Variants in CDH18 observed in about 807,000 individuals in gnomAD.
The protein encoded by CDH18 is cadherin 18.
CDH18 carries 31 observed loss-of-function variants against 67.9 expected under a neutral mutation model. The ratio of observed to expected loss-of-function variants is 0.46; its 90% CI spans 0.34 to 0.62. The LOEUF (loss-of-function observed/expected upper bound fraction) is 0.62. Among genes scored for constraint, CDH18 ranks in the 20% least tolerant of loss-of-function variants. The pLI is 0.01. For missense variants in CDH18, 890 were observed against 975.5 expected, an observed-to-expected ratio of 0.91 and a Z score of 1.17; for synonymous variants, 362 against 347.2, an observed-to-expected ratio of 1.04 and a Z score of -0.48.
chr5:19,751,958 A>C (rs948990306), intron 3 of CDH18, among the ~76,000 whole-genome samples: 3 of 152,114 alleles, frequency 2.0e-5, no homozygotes, highest in African/African-American at 7.2e-5. Flanking sequence ...GACCCTCTGA[A>C]GGAAGCAGAT....
chr5:20,152,024 T>C (rs1193785102), intron 2 of CDH18, among the ~76,000 whole-genome samples: 1 of 150,084 alleles, frequency 6.7e-6, no homozygotes, highest in Non-Finnish European at 1.5e-5. Context: ...TCAATGAAAT[T>C]ATAATTGAAC....
At chr5:19,582,697 C>T (rs535344310) in intron 7 of CDH18, among the ~76,000 whole-genome samples, 2 of 152,068 alleles carry the variant, frequency 1.3e-5, no homozygotes, top group East Asian at 3.9e-4. Flanking sequence ...TAGAAATCTA[C>T]TGTTTCTTAT....
intron 1 of CDH18, among the ~76,000 whole-genome samples, chr5:20,508,081 G>A (rs1300829777): frequency 6.6e-6 from 1 of 151,748 alleles, no homozygotes; most frequent in Non-Finnish European, 1.5e-5. Flanking sequence ...TAGTGAAATG[G>A]TGTGGAAAAA....
intron 10 of CDH18, among the ~76,000 whole-genome samples, chr5:19,516,330 C>A (rs1247781019): frequency 6.6e-6 from 1 of 152,114 alleles, no homozygotes; most frequent in South Asian, 2.1e-4. Context: ...TGTGTCTCTG[C>A]CAGGCTTTGG....
At position 19,480,155 on chromosome 5, in the gene CDH18, C is replaced by T. The variant is rs571812960; in HGVS notation, c.1882+3146G>A. 2.6e-5 allele frequency among the ~76,000 whole-genome samples: 4 copies of T among 152,124 alleles called. No homozygotes were observed. The East Asian group carries it at 5.8e-4, about 22-fold the overall frequency. ...TTTAAGAGTAAGAACGCTGGAAGAA[C>T]TCTCATTAAAATCCCTGCGTTCTAT... On this transcript the variant is annotated intron_variant, in intron 12 of 12. Transcript: ENST00000382275.
chr5:19,700,038 T>A (rs1763033361), intron 5 of CDH18, among the ~76,000 whole-genome samples: 1 of 69,120 alleles, frequency 1.4e-5, no homozygotes, highest in African/African-American at 6.9e-5. Context: ...TTATTACAAT[T>A]TTTTTCTAGA....
intron 7 of CDH18, among the ~76,000 whole-genome samples, chr5:19,584,168 C>G (rs1001857241): frequency 2.0e-5 from 3 of 152,140 alleles, no homozygotes; most frequent in Admixed American, 2.0e-4. Flanking sequence ...TGCATTCATC[C>G]TTATCTTTTT....
intron 2 of CDH18, among the ~76,000 whole-genome samples, chr5:19,953,069 A>G (rs1795951660): frequency 6.6e-6 from 1 of 152,152 alleles, no homozygotes; most frequent in Non-Finnish European, 1.5e-5. Flanking sequence ...AACATTTGAC[A>G]TGAGCTGCTG....
chr5:19,672,190 G>A (rs1485164068), intron 5 of CDH18, among the ~76,000 whole-genome samples: 2 of 152,090 alleles, frequency 1.3e-5, no homozygotes, highest in Admixed American at 6.6e-5. Context: ...ATTTCTTTGT[G>A]AGAATATCAG....
rs1323110857 is a variant in CDH18, at chr5:20,264,270, G to A, written c.-579-8765C>T. ...TGAAGATACTGATGTTCTTGACCAA[G>A]TTACTAGTTTGCATATTGAGTTCTC... On this transcript the variant is annotated intron_variant, in intron 1 of 14. Coordinates refer to the CDH18 transcript ENST00000507958. 2.0e-5 allele frequency among the ~76,000 whole-genome samples: 3 copies of A among 151,952 alleles called. No individual in the cohort carries two copies. In the East Asian group the frequency reaches 5.8e-4, roughly 29 times the overall value.
At chr5:20,373,079 C>G (rs1168071794) in intron 1 of CDH18, among the ~76,000 whole-genome samples, 1 of 152,126 alleles carries the variant, frequency 6.6e-6, no homozygotes, top group Non-Finnish European at 1.5e-5. Context: ...ATTTTTCTTC[C>G]TGCATCAATT....
At chr5:19,970,041 A>T (rs1309581348) in intron 2 of CDH18, among the ~76,000 whole-genome samples, 1 of 151,984 alleles carries the variant, frequency 6.6e-6, no homozygotes, top group African/African-American at 2.4e-5. Flanking sequence ...AGCTAGATAC[A>T]TGGAGCACTA....
intron 2 of CDH18, among the ~76,000 whole-genome samples, chr5:19,905,667 A>C (rs1790459335): frequency 6.6e-6 from 1 of 151,954 alleles, no homozygotes; most frequent in Non-Finnish European, 1.5e-5. Context: ...TTAACCTTTA[A>C]AATAATTGTT....
intron 5 of CDH18, among the ~76,000 whole-genome samples, chr5:19,622,400 T>C (rs914205700): frequency 6.6e-6 from 1 of 152,200 alleles, no homozygotes. Flanking sequence ...CTATCAATGC[T>C]ACTATCGCTA....
intron 2 of CDH18, among the ~76,000 whole-genome samples, chr5:19,922,540 A>G (rs1792607260): frequency 6.6e-6 from 1 of 152,190 alleles, no homozygotes; most frequent in African/African-American, 2.4e-5. Context: ...TTTTGACATG[A>G]AAATCAACCC....
chr5:20,460,177 G>A (rs1445026894), intron 1 of CDH18, among the ~76,000 whole-genome samples: 1 of 151,914 alleles, frequency 6.6e-6, no homozygotes, highest in Admixed American at 6.6e-5. Context: ...GGTGGATCAC[G>A]AAGTCAAGAG....
At chr5:20,343,204 T>C (rs892771280) in intron 1 of CDH18, among the ~76,000 whole-genome samples, 1 of 152,210 alleles carries the variant, frequency 6.6e-6, no homozygotes, top group African/African-American at 2.4e-5. Context: ...TAGAATAGTC[T>C]GACACCTGTA....
chr5:19,600,759 T>A (rs1473772600), intron 6 of CDH18, among the ~76,000 whole-genome samples: 1 of 152,112 alleles, frequency 6.6e-6, no homozygotes, highest in East Asian at 1.9e-4. Flanking sequence ...AGTATTTTAA[T>A]GCCTTACATT....
chr5:19,843,570 C>A (rs557084744), intron 2 of CDH18, among the ~76,000 whole-genome samples: 1 of 152,342 alleles, frequency 6.6e-6, no homozygotes, highest in South Asian at 2.1e-4. Context: ...TGAGGTCGGA[C>A]CCCCGACATA....
Sources: allele counts gnomAD v4.1 joint callset (sites outside exome capture counted in the v4.1 genomes callset), GRCh38; gene constraint gnomAD v4.1.1; transcripts MANE v1.5; gene names NCBI Gene and HGNC (gene_info 2026-07-23, HGNC 2026-07-21).